MUC12: variants seen among roughly 807,000 people sequenced by gnomAD.
MUC12 encodes the protein mucin-12.
Under a neutral mutation model 230.8 loss-of-function variants are expected in MUC12, and 172 were observed. The observed-to-expected ratio is 0.75, with a 90% CI of 0.66 to 0.85. The LOEUF is 0.85. MUC12 is among the 40% of genes least tolerant of loss of function. The pLI is 0.00. For missense variants in MUC12, 3,506 were observed against 5,920.6 expected, an observed-to-expected ratio of 0.59 and a Z score of 13.38; for synonymous variants, 1,259 against 2,401.9, an observed-to-expected ratio of 0.52 and a Z score of 13.91.
At position 101,012,836 on chromosome 7, in the gene MUC12, A is replaced by G; in HGVS notation, c.15421A>G (p.Ser5141Gly). ...DSCRKAILCY[S>G]EEDTFVDSSV... ...CTCGGCAGAGGCCATACTGTGCTAT[A>G]GTGAAGAGGACACTTTCGTGGATTC... Residue 5141 changes from serine (S) to glycine (G), a missense_variant, in exon 7 of 12, where the codon AGT becomes GGT. By Grantham distance (56) the Ser-to-Gly change is moderately conservative. Transcript: ENST00000536621. 6.5e-7 allele frequency: 1 copy of G among 1,537,236 alleles called. No individual in the cohort carries two copies. Among genetic ancestry groups the G allele is most frequent in the Non-Finnish European group, 8.7e-7 (1 of 1,146,908 alleles).
At chr7:101,016,165 G>T (rs930840928) in intron 10 of MUC12, among the ~76,000 whole-genome samples, 2 of 152,142 alleles carry the variant, frequency 1.3e-5, no homozygotes, top group Non-Finnish European at 2.9e-5. Context: ...CAGGCAGGGG[G>T]CACTGCATGA....
At chr7:101,010,639 C>G (rs983449045) in intron 5 of MUC12, among the ~76,000 whole-genome samples, 40 of 152,094 alleles carry the variant, frequency 2.6e-4, no homozygotes, top group Admixed American at 2.6e-3. Context: ...CTTAGCTTCC[C>G]GAGTAGCTGG....
intron 1 of MUC12, among the ~76,000 whole-genome samples, chr7:100,989,793 C>A (rs552846955): frequency 6.6e-6 from 1 of 151,754 alleles, no homozygotes; most frequent in African/African-American, 2.4e-5. Context: ...TGGGTTCAAG[C>A]GATTCTCATG....
chr7:100,992,011 G>C lies in MUC12; in HGVS notation c.1448G>C (p.Ser483Thr), dbSNP rs1177805199. The change falls in exon 2 of 12, where the codon AGT (serine) becomes ACT (threonine). Residue 483 changes from serine (S) to threonine (T), a missense_variant. Coordinates refer to ENST00000536621, the MANE Select transcript of MUC12 (RefSeq NM_001164462.2). ...ATGGAAACCACAGCGTTACCCGGCA[G>C]TACCACAAAACCAGGCCTCAGTGAG... The part of the protein sequence containing the change: ...GSMETTALPG[S>T]TTKPGLSEKS... 6.5e-7 allele frequency: 1 copy of C among 1,537,980 alleles called. No homozygotes were observed. Among genetic ancestry groups the C allele is most frequent in the Non-Finnish European group, 8.7e-7 (1 of 1,147,076 alleles).
intron 8 of MUC12, 105 bp from the exon 9 acceptor site, chr7:101,013,808 A>G: frequency 7.7e-7 from 1 of 1,303,530 alleles, no homozygotes; most frequent in Non-Finnish European, 1.0e-6. Flanking sequence ...CAGCCGTTGG[A>G]GTGAGGGAGA....
rs1376275135 is a variant in MUC12 at position 100,992,137 on chromosome 7, A to G, written c.1574A>G (p.His525Arg). 2 of 1,537,720 alleles carry G rather than the reference A, an allele frequency of 1.3e-6. No homozygotes were observed. The highest frequency in any genetic ancestry group is 3.9e-5 in the Admixed American group (2 of 50,974). The change falls in exon 2 of 12, where the codon CAC (histidine) becomes CGC (arginine). Residue 525 changes from histidine (H) to arginine (R), a missense_variant. Physicochemically the swap from His to Arg is conservative, Grantham distance 29. Transcript: ENST00000536621. ...SGVSEESTTS[H>R]SRPGSTHTTA... is the part of the protein sequence containing the mutation. ...GTCAGTGAAGAATCCACCACCTCCC[A>G]CAGCCGACCAGGCTCAACACACACA...
Position 101,018,585 on chromosome 7 carries a change from C to CGTCCCCCAA in MUC12, c.15967-2_15967-1insAGTCCCCCA. ...CCCCTTGGCCTCACCTCTTCTCTCCCGTCCCCCAGCTCCACATCCAGAGGC... is the reference window on the plus strand; with the variant it reads ...CCCCTTGGCCTCACCTCTTCTCTCCCGTCCCCCAAGTCCCCCAGCTCCACATCCAGAGGC... On this transcript the variant is annotated splice_polypyrimidine_tract_variant and intron_variant, in intron 11 of 11. Transcript: ENST00000536621. The CGTCCCCCAA allele has an allele frequency of 6.5e-7, 1 of 1,536,176 alleles. No homozygotes were observed.
rs1474049115 is a variant in MUC12 at position 100,995,895 on chromosome 7, T to C, written c.5332T>C (p.Ser1778Pro). ...TACGGCGTACCACAGCAGCCCGGGC[T>C]CAACTCAAACAATGCACTTCCCTGA... is the stretch of plus-strand genomic sequence containing the variant. ...ESTAYHSSPG[S>P]TQTMHFPESS... Residue 1778 changes from serine (S) to proline (P), a missense_variant, in exon 2 of 12, where the codon TCA (serine) becomes CCA (proline). Coordinates refer to ENST00000536621, the MANE Select transcript of MUC12 (RefSeq NM_001164462.2). 5.2e-5 allele frequency: 73 copies of C among 1,396,334 alleles called. No homozygotes were observed. The highest frequency in any genetic ancestry group is 6.9e-5 in the Non-Finnish European group (72 of 1,040,808). The allele number at this position is 1,396,334 out of a possible 1,614,324, so 86.5% of individuals were successfully genotyped here.
rs1422884651 is a variant in MUC12, at chr7:100,992,263, G to A, written c.1700G>A (p.Ser567Asn). The A allele has an allele frequency of 8.5e-6, 13 of 1,537,534 alleles. No homozygotes were observed. The highest frequency in any genetic ancestry group is 1.4e-5 in the African/African-American group (1 of 73,010). The change falls in exon 2 of 12, where the codon AGT becomes AAT. Residue 567 changes from serine (S) to asparagine (N), a missense_variant. Physicochemically the swap from Ser to Asn is conservative, Grantham distance 46. Transcript: ENST00000536621. ...GPTDTTLSPG[S>N]TTASSLGPEY... ...ACAGACACAACATTGTCCCCTGGCA[G>A]TACCACAGCATCATCCCTTGGTCCA...
chr7:100,975,503 A>C (rs78419467), intron 1 of MUC12, among the ~76,000 whole-genome samples: 7 of 152,312 alleles, frequency 4.6e-5, no homozygotes, highest in Non-Finnish European at 8.8e-5. Flanking sequence ...GTTTTATACA[A>C]AGAGTAATAA....
At chr7:100,973,208 G>C (rs1383280212) in intron 1 of MUC12, 1 of 596,618 alleles carries the variant, frequency 1.7e-6, no homozygotes, top group African/African-American at 1.9e-5. Flanking sequence ...GGACATGAAG[G>C]CCCAGCTGAG....
At chr7:101,008,327 T>C (rs1793788713) in intron 3 of MUC12, among the ~76,000 whole-genome samples, 1 of 151,752 alleles carries the variant, frequency 6.6e-6, no homozygotes, top group East Asian at 1.9e-4. Flanking sequence ...GGTCTCACTT[T>C]GTTGCCCAGG....
intron 1 of MUC12, among the ~76,000 whole-genome samples, chr7:100,975,293 G>A (rs1309556921): frequency 1.3e-5 from 2 of 152,312 alleles, no homozygotes; most frequent in Non-Finnish European, 2.9e-5. Context: ...CCAACTGTCT[G>A]CCCTGGAGGG....
At chr7:101,006,860 C>A (rs1793761640) in intron 3 of MUC12, among the ~76,000 whole-genome samples, 1 of 152,138 alleles carries the variant, frequency 6.6e-6, no homozygotes, top group Non-Finnish European at 1.5e-5. Flanking sequence ...TACAGGAATG[C>A]AATATGTAAT....
Position 100,991,442 on chromosome 7 carries a change from T to C in MUC12, c.879T>C (p.Gly293=). Residue 293 remains glycine, a synonymous_variant, in exon 2 of 12, where the codon GGT becomes GGC. Transcript: ENST00000536621. ...SSKDTSPAPS[G]TTSAFVKLST... is the part of the protein sequence containing the mutation. ...AGGACACTTCGCCTGCACCTTCTGG[T>C]ACCACATCAGCCTTTGTTAAACTAT... is the stretch of plus-strand genomic sequence containing the variant. The C allele has an allele frequency of 1.3e-6, 2 of 1,537,752 alleles. No individual in the cohort carries two copies. Among genetic ancestry groups the C allele is most frequent in the Non-Finnish European group, 1.7e-6 (2 of 1,147,026 alleles).
intron 3 of MUC12, among the ~76,000 whole-genome samples, chr7:101,007,140 A>T (rs1467942444): frequency 2.0e-5 from 3 of 152,018 alleles, no homozygotes; most frequent in African/African-American, 7.2e-5. Flanking sequence ...TGTATTTTTA[A>T]TAGGGACGGA....
chr7:100,990,547 CG>C (rs1563088910), intron 1 of MUC12, 83 bp from the exon 2 acceptor site: 1 of 1,491,442 alleles, frequency 6.7e-7, no homozygotes, highest in Admixed American at 2.0e-5. Context: ...TCTTCCAGCC[CG>C]GATGTGTCAG....
In MUC12 at chr7:100,995,761, C is replaced by A. The variant is rs760057495; in HGVS notation, c.5198C>A (p.Thr1733Lys). 25 of 1,532,946 alleles carry A rather than the reference C, an allele frequency of 1.6e-5. No homozygotes were observed. In the Middle Eastern group the frequency reaches 6.7e-4, roughly 41 times the overall value. The allele number at this position is 1,532,946 out of a possible 1,614,324, so 95.0% of individuals were successfully genotyped here. Reference sequence around the variant, plus strand: ...ACAACCCACTTTTCTGCCAGCTCCACAACCTTGGGCCGTAGTGAGGAATCG... The same window carrying A: ...ACAACCCACTTTTCTGCCAGCTCCAAAACCTTGGGCCGTAGTGAGGAATCG... The part of the protein sequence containing the change: ...TPTTHFSASS[T>K]TLGRSEESTT... Residue 1733 changes from threonine to lysine, a missense_variant, in exon 2 of 12, where the codon ACA (threonine) becomes AAA (lysine). Transcript: ENST00000536621.
At position 101,002,910 on chromosome 7, in the gene MUC12, C is replaced by A. The variant is rs1227415017; in HGVS notation, c.12347C>A (p.Thr4116Lys). 1 of 1,230,582 alleles carries A rather than the reference C, an allele frequency of 8.1e-7. No homozygotes were observed. The highest frequency in any genetic ancestry group is 1.1e-6 in the Non-Finnish European group (1 of 893,736). The allele number at this position is 1,230,582 out of a possible 1,614,324, so 76.2% of individuals were successfully genotyped here. Residue 4116 changes from threonine to lysine, a missense_variant, in exon 2 of 12, where the codon ACA (threonine) becomes AAA (lysine). Coordinates refer to ENST00000536621, the MANE Select transcript of MUC12 (RefSeq NM_001164462.2). ...CACAGCCGCCCGAGCTCAACTCCAA[C>A]AACACACTTTTCTGCCAGTTCCACA... ...TYHSRPSSTP[T>K]THFSASSTTL...
Sources: gnomAD v4.1 joint callset for allele counts (sites outside exome capture counted in the v4.1 genomes callset) on GRCh38, gnomAD v4.1.1 for gene constraint, MANE v1.5 for transcripts, NCBI Gene and HGNC (gene_info 2026-07-23, HGNC 2026-07-21) for gene names.